Variants in NRG1 observed in about 807,000 individuals in gnomAD.
NRG1 encodes neuregulin 1.
NRG1 carries 18 observed loss-of-function variants against 63.8 expected under a neutral mutation model. The observed-to-expected ratio is 0.28, with a 90% CI of 0.19 to 0.42. The LOEUF is 0.42. Ranked by LOEUF, NRG1 falls within the 10% of genes least tolerant of loss-of-function variation. The pLI, the probability that NRG1 is intolerant of heterozygous loss-of-function variation, is 1.00. For missense variants in NRG1, 762 were observed against 814.7 expected (o/e 0.94, Z 0.79); for synonymous variants, 302 against 301.3 (o/e 1.00, Z -0.02).
chr8:31,866,225 G>T (rs1362553966), intron 1 of NRG1, among the ~76,000 whole-genome samples: 2 of 152,140 alleles, frequency 1.3e-5, no homozygotes, highest in Admixed American at 6.6e-5. Context: ...TATAAAAATT[G>T]CCATCCCACA....
intron 5 of NRG1, among the ~76,000 whole-genome samples, chr8:32,622,464 G>C (rs1366529502): frequency 6.6e-6 from 1 of 151,990 alleles, no homozygotes; most frequent in Non-Finnish European, 1.5e-5. Flanking sequence ...GTGCAGTAGT[G>C]CACTCATGGC....
intron 1 of NRG1, among the ~76,000 whole-genome samples, chr8:32,258,361 C>T (rs1849977609): frequency 6.6e-6 from 1 of 152,216 alleles, no homozygotes; most frequent in Non-Finnish European, 1.5e-5. Flanking sequence ...TGACAGAGAT[C>T]ATTTCATGCA....
intron 5 of NRG1, among the ~76,000 whole-genome samples, chr8:32,618,881 A>G (rs1847838067): frequency 6.6e-6 from 1 of 152,118 alleles, no homozygotes. Flanking sequence ...ATATTTGGAC[A>G]AAAAGTGGAA....
chr8:31,655,094 C>T (rs1805302391), intron 1 of NRG1, among the ~76,000 whole-genome samples: 1 of 152,112 alleles, frequency 6.6e-6, no homozygotes, highest in African/African-American at 2.4e-5. Flanking sequence ...AGATAAATTA[C>T]AGGAATCATA....
intron 1 of NRG1, among the ~76,000 whole-genome samples, chr8:31,989,253 C>CAAAA (rs10692906): frequency 0.011 from 534 of 47,526 alleles, 99 homozygotes; most frequent in African/African-American, 0.054. Context: ...GACTCTGTCT[C>CAAAA]AAAAAAAAAA....
At chr8:32,191,915 C>G (rs1475084844) in intron 1 of NRG1, 1 of 152,250 alleles carries the variant, frequency 6.6e-6, no homozygotes, top group Non-Finnish European at 1.5e-5. Flanking sequence ...TCAGATCTTC[C>G]ACCATCAGAG....
At chr8:32,153,720 T>C (rs769909898) in intron 1 of NRG1, among the ~76,000 whole-genome samples, 1 of 152,182 alleles carries the variant, frequency 6.6e-6, no homozygotes, top group Non-Finnish European at 1.5e-5. Flanking sequence ...TCCTGGTATC[T>C]CAGAGGGTGG....
chr8:32,350,594 T>C (rs1342477097), intron 1 of NRG1, among the ~76,000 whole-genome samples: 1 of 152,184 alleles, frequency 6.6e-6, no homozygotes, highest in Non-Finnish European at 1.5e-5. Flanking sequence ...AGGTCCTCGT[T>C]AAGAGATCTG....
chr8:32,711,481 CATT>C (rs1233805074), intron 5 of NRG1, among the ~76,000 whole-genome samples: 1 of 152,088 alleles, frequency 6.6e-6, no homozygotes, highest in Non-Finnish European at 1.5e-5. Context: ...GCCTAGCTAA[CATT>C]ATCAATGCCA....
At position 32,088,457 on chromosome 8, in the gene NRG1, C is replaced by G. The variant is rs1828615569; in HGVS notation, c.37+449026C>G. ...GTTAATGGGCTACCTGAGCAAATAC[C>G]TTTCCTGAGCTTTTTCTTGAATTCA... On this transcript the variant is annotated intron_variant, in intron 1 of 10. Transcript: ENST00000519301. Among the ~76,000 whole-genome samples, 5 of 151,558 alleles carry G rather than the reference C, an allele frequency of 3.3e-5. No homozygotes were observed. In the South Asian group the frequency reaches 1.0e-3, roughly 32 times the overall value.
At chr8:32,160,495 G>A (rs1299954622) in intron 1 of NRG1, among the ~76,000 whole-genome samples, 1 of 152,172 alleles carries the variant, frequency 6.6e-6, no homozygotes, top group Non-Finnish European at 1.5e-5. Context: ...GTTATTGTGG[G>A]CCTGGGGTTT....
intron 5 of NRG1, among the ~76,000 whole-genome samples, chr8:32,632,077 C>T (rs1588852353): frequency 1.3e-5 from 2 of 152,118 alleles, no homozygotes; most frequent in Admixed American, 6.5e-5. Flanking sequence ...TGTTTATAAA[C>T]TTATGGCATT....
intron 1 of NRG1, among the ~76,000 whole-genome samples, chr8:31,645,894 T>C (rs938819463): frequency 6.6e-6 from 1 of 152,192 alleles, no homozygotes; most frequent in African/African-American, 2.4e-5. Context: ...GTTTTTTCTT[T>C]TCTTCTTCTT....
intron 1 of NRG1, among the ~76,000 whole-genome samples, chr8:31,828,012 T>A (rs1824739537): frequency 6.6e-6 from 1 of 152,216 alleles, no homozygotes. Flanking sequence ...AACTGAAGAA[T>A]ATACAATAGT....
At chr8:32,163,433 G>A (rs1232993966) in intron 1 of NRG1, among the ~76,000 whole-genome samples, 1 of 152,166 alleles carries the variant, frequency 6.6e-6, no homozygotes, top group Non-Finnish European at 1.5e-5. Context: ...GAGGCTTTCT[G>A]TGGGTATAAA....
chr8:31,749,270 G>A (rs562027120), intron 1 of NRG1, among the ~76,000 whole-genome samples: 72 of 151,784 alleles, frequency 4.7e-4, no homozygotes, highest in African/African-American at 6.8e-4. Flanking sequence ...AGTTTATTCC[G>A]TTTTCTAATG....
chr8:31,857,792 C>T (rs1411226291), intron 1 of NRG1, among the ~76,000 whole-genome samples: 1 of 152,102 alleles, frequency 6.6e-6, no homozygotes, highest in Non-Finnish European at 1.5e-5. Context: ...AAGCAATTTC[C>T]TTATTGTAGT....
At chr8:32,232,948 A>T (rs1847112672) in intron 1 of NRG1, among the ~76,000 whole-genome samples, 2 of 152,222 alleles carry the variant, frequency 1.3e-5, no homozygotes, top group African/African-American at 4.8e-5. Context: ...GGTCACCAAC[A>T]GCTAATTATA....
intron 1 of NRG1, among the ~76,000 whole-genome samples, chr8:32,197,227 G>A (rs1341085208): frequency 6.6e-6 from 1 of 151,966 alleles, no homozygotes; most frequent in East Asian, 1.9e-4. Context: ...CTCCCAAAGT[G>A]CTGGGATTAC....
Sources: gnomAD v4.1 joint callset for allele counts (sites outside exome capture counted in the v4.1 genomes callset) on GRCh38, gnomAD v4.1.1 for gene constraint, MANE v1.5 for transcripts, NCBI Gene and HGNC (gene_info 2026-07-23, HGNC 2026-07-21) for gene names.